SLC35F4: variants seen among roughly 807,000 people sequenced by gnomAD.
SLC35F4 encodes the protein solute carrier family 35 member F4.
In SLC35F4, 24 loss-of-function variants were observed where a neutral mutation model predicts 44.2. That is an observed-to-expected ratio of 0.54 (90% CI 0.39 to 0.76). The LOEUF (loss-of-function observed/expected upper bound fraction) is 0.76. Among genes scored for constraint, SLC35F4 ranks in the 30% least tolerant of loss-of-function variants. The pLI is 0.00. For synonymous variants in SLC35F4, 238 were observed against 223.6 expected (o/e 1.06, Z -0.57); for missense variants, 562 against 586.1 (o/e 0.96, Z 0.42).
intron 1 of SLC35F4, among the ~76,000 whole-genome samples, chr14:57,927,199 C>T (rs936483939): frequency 1.3e-5 from 2 of 152,186 alleles, no homozygotes; most frequent in Admixed American, 1.3e-4. Flanking sequence ...ATAAAAGGAA[C>T]AAACTTCCTG....
intron 3 of SLC35F4, among the ~76,000 whole-genome samples, chr14:57,586,562 C>T (rs1396502189): frequency 6.6e-6 from 1 of 150,828 alleles, no homozygotes; most frequent in Non-Finnish European, 1.5e-5. Context: ...CTAAAAAATA[C>T]AAAAAATTAG....
At chr14:57,893,405 C>T (rs1159115547) in intron 1 of SLC35F4, among the ~76,000 whole-genome samples, 6 of 152,056 alleles carry the variant, frequency 3.9e-5, no homozygotes, top group South Asian at 2.1e-4. Context: ...TTTTTCATAC[C>T]GTTATGTAAA....
intron 1 of SLC35F4, among the ~76,000 whole-genome samples, chr14:57,605,295 G>A (rs1187179383): frequency 6.6e-6 from 1 of 151,994 alleles, no homozygotes; most frequent in Non-Finnish European, 1.5e-5. Flanking sequence ...ATGAGGAAAG[G>A]ATATGAACAG....
intron 1 of SLC35F4, among the ~76,000 whole-genome samples, chr14:57,737,161 G>A (rs921327462): frequency 6.6e-6 from 1 of 151,732 alleles, no homozygotes; most frequent in Non-Finnish European, 1.5e-5. Flanking sequence ...GAATGAAAGG[G>A]AGGAGATCTT....
intron 1 of SLC35F4, among the ~76,000 whole-genome samples, chr14:57,766,103 G>C (rs1257543486): frequency 6.6e-6 from 1 of 152,166 alleles, no homozygotes; most frequent in South Asian, 2.1e-4. Context: ...GAGTAGAATG[G>C]GTTTCAGCTC....
At chr14:57,569,562 C>T (rs1280703892) in intron 6 of SLC35F4, among the ~76,000 whole-genome samples, 1 of 152,142 alleles carries the variant, frequency 6.6e-6, no homozygotes, top group Non-Finnish European at 1.5e-5. Flanking sequence ...AGGCCTGGGC[C>T]TCCAGTGCAC....
intron 1 of SLC35F4, among the ~76,000 whole-genome samples, chr14:57,822,658 G>A (rs749596228): frequency 2.6e-5 from 4 of 152,162 alleles, no homozygotes; most frequent in South Asian, 2.1e-4. Context: ...GCAAAAAGCA[G>A]TGGATCTTCT....
chr14:57,899,725 G>A (rs1333391669), intron 1 of SLC35F4, among the ~76,000 whole-genome samples: 1 of 152,130 alleles, frequency 6.6e-6, no homozygotes, highest in African/African-American at 2.4e-5. Context: ...CTTTTGCTTT[G>A]GTGGCATTCT....
In SLC35F4 at chr14:57,612,318, C is replaced by T. The variant is rs545413621; in HGVS notation, c.104-18194G>A. On this transcript the variant is annotated intron_variant, in intron 1 of 7. Coordinates refer to ENST00000556826, the MANE Select transcript of SLC35F4 (RefSeq NM_001306087.2). ...GTCAGAGAGGAGGGAGCTGTAACTT[C>T]CCAGGCTATTACAAGCAAGTCTCAA... 1.6e-4 allele frequency among the ~76,000 whole-genome samples: 24 copies of T among 152,250 alleles called. No individual in the cohort carries two copies. In the South Asian group the frequency reaches 3.9e-3, roughly 25 times the overall value.
chr14:57,910,005 G>A (rs1159496309), intron 1 of SLC35F4, among the ~76,000 whole-genome samples: 2 of 152,108 alleles, frequency 1.3e-5, no homozygotes, highest in African/African-American at 4.8e-5. Context: ...TAGGTATGTT[G>A]TAGTATCTCA....
Position 57,589,364 on chromosome 14 carries a change from G to C in SLC35F4, c.439C>G (p.Gln147Glu). ...TTCTTATAAGTAATTTTTACAATCT[G>C]TGTAGTTCCAACCCAAGATGATGAT... is the stretch of plus-strand genomic sequence containing the variant. ...SVSSSWVGTT[Q>E]IVKITYKNFY... Residue 147 changes from glutamine to glutamate, a missense_variant, in exon 3 of 8, where the codon CAG becomes GAG. Coordinates refer to ENST00000556826, the MANE Select transcript of SLC35F4 (RefSeq NM_001306087.2). 1.2e-6 allele frequency: 2 copies of C among 1,613,962 alleles called. No individual in the cohort carries two copies. Among genetic ancestry groups the C allele is most frequent in the Non-Finnish European group, 1.7e-6 (2 of 1,179,884 alleles).
At chr14:57,795,327 T>C (rs1327514349) in intron 1 of SLC35F4, among the ~76,000 whole-genome samples, 1 of 152,184 alleles carries the variant, frequency 6.6e-6, no homozygotes, top group African/African-American at 2.4e-5. Flanking sequence ...GCCTTCAAGT[T>C]TCTCCCTGGT....
intron 1 of SLC35F4, among the ~76,000 whole-genome samples, chr14:57,618,117 A>G (rs2071955419): frequency 6.6e-6 from 1 of 152,220 alleles, no homozygotes; most frequent in Non-Finnish European, 1.5e-5. Context: ...TCTATCTGAC[A>G]TTTAGGATGT....
chr14:57,564,265 A>T lies in SLC35F4; in HGVS notation c.1328T>A (p.Ile443Asn). The change falls in exon 8 of 8, where the codon ATC becomes AAC. Residue 443 changes from isoleucine (I) to asparagine (N), a missense_variant. Ile to Asn is a moderately radical substitution (Grantham distance 149, BLOSUM62 -3). Transcript: ENST00000556826. ...CAGGCTGTTGATGAACCTCAGGGTG[A>T]TTTCATCCCATTCCTCAGGCAACAG... ...LMLLPEEWDEITLRFINSLKE... is the reference protein window; with the variant it reads ...LMLLPEEWDENTLRFINSLKE... 1 of 1,613,192 alleles carries T rather than the reference A, an allele frequency of 6.2e-7. No individual in the cohort carries two copies. The highest frequency in any genetic ancestry group is 8.5e-7 in the Non-Finnish European group (1 of 1,179,652).
chr14:57,927,754 G>C (rs966777406), intron 1 of SLC35F4, among the ~76,000 whole-genome samples: 1 of 152,154 alleles, frequency 6.6e-6, no homozygotes, highest in Admixed American at 6.5e-5. Flanking sequence ...GCCTCCAAAA[G>C]TGCTGGGATT....
Position 57,784,387 on chromosome 14 carries a change from T to C in SLC35F4, c.103+81336A>G, listed in dbSNP as rs77958645. Among the ~76,000 whole-genome samples, 512 of 152,282 alleles carry C rather than the reference T, an allele frequency of 3.4e-3. 6 individuals are homozygous for C. The highest frequency in any genetic ancestry group is 0.011 in the African/African-American group (471 of 41,554). On this transcript the variant is annotated intron_variant, in intron 1 of 7. Transcript: ENST00000556826. The stretch of plus-strand genomic sequence containing the variant: ...TGGTAGAAGAAGGATTAGTACCATA[T>C]AGAAACATTTTTAGGGCTGGGTGTA...
chr14:57,626,466 C>T (rs921282516), intron 1 of SLC35F4, among the ~76,000 whole-genome samples: 1 of 151,910 alleles, frequency 6.6e-6, no homozygotes, highest in Non-Finnish European at 1.5e-5. Context: ...CTGATAGGAG[C>T]TCTTTATCTG....
chr14:57,892,725 C>T (rs960259417), intron 1 of SLC35F4, among the ~76,000 whole-genome samples: 8 of 152,098 alleles, frequency 5.3e-5, no homozygotes, highest in Non-Finnish European at 7.4e-5. Flanking sequence ...GTAAAATCCA[C>T]AATTGGTACT....
At chr14:57,693,816 TG>T (rs1262552398) in intron 1 of SLC35F4, among the ~76,000 whole-genome samples, 1 of 152,140 alleles carries the variant, frequency 6.6e-6, no homozygotes, top group Non-Finnish European at 1.5e-5. Flanking sequence ...ACTTTTTTTT[TG>T]CTTAATCTGT....
Sources: gnomAD v4.1 joint callset for allele counts (sites outside exome capture counted in the v4.1 genomes callset) on GRCh38, gnomAD v4.1.1 for gene constraint, MANE v1.5 for transcripts, NCBI Gene and HGNC (gene_info 2026-07-23, HGNC 2026-07-21) for gene names.